Variants in GSE1 observed in about 807,000 individuals in gnomAD.
GSE1 encodes Gse1 coiled-coil protein, also known as genetic suppressor element 1.
A neutral mutation model predicts 112.6 loss-of-function variants in GSE1; 32 were observed. That is an observed-to-expected ratio of 0.28 (90% confidence interval 0.21 to 0.38). GSE1 has a LOEUF of 0.38. Ranked by LOEUF, GSE1 falls within the 10% of genes least tolerant of loss-of-function variation. The pLI, the probability that GSE1 is intolerant of heterozygous loss-of-function variation, is 1.00. For synonymous variants in GSE1, 1,115 were observed against 735.6 expected (o/e 1.52, Z -8.35); for missense variants, 2,348 against 1,699.2 (o/e 1.38, Z -6.71).
chr16:85,355,164 A>C (rs1384585112), intron 1 of GSE1, among the ~76,000 whole-genome samples: 1 of 152,132 alleles, frequency 6.6e-6, no homozygotes, highest in East Asian at 1.9e-4. Flanking sequence ...CGCTTGCCCG[A>C]GGAATTCTGA....
chr16:85,271,470 G>A (rs1908827276), intron 1 of GSE1, among the ~76,000 whole-genome samples: 1 of 152,236 alleles, frequency 6.6e-6, no homozygotes, highest in African/African-American at 2.4e-5. Context: ...GTATGAATGT[G>A]GTTCTTGGAG....
intron 1 of GSE1, among the ~76,000 whole-genome samples, chr16:85,259,604 G>C (rs755605465): frequency 2.0e-5 from 3 of 152,218 alleles, no homozygotes; most frequent in Admixed American, 6.5e-5. Context: ...TTGTCCTGCT[G>C]CTGGGGTTTT....
chr16:85,270,486 C>T (rs78563865), intron 1 of GSE1, among the ~76,000 whole-genome samples: 8,857 of 148,760 alleles, frequency 0.06, 1,016 homozygotes, highest in Non-Finnish European at 0.071. Context: ...GCTTCGGTAG[C>T]CAGAGGTAGA....
At chr16:85,560,606 G>A (rs2045473515) in intron 1 of GSE1, among the ~76,000 whole-genome samples, 1 of 152,110 alleles carries the variant, frequency 6.6e-6, no homozygotes, top group African/African-American at 2.4e-5. Context: ...GATGGGGCTG[G>A]TGAGTGGGAG....
chr16:85,510,671 G>A (rs987534375), intron 2 of GSE1, among the ~76,000 whole-genome samples: 1 of 152,220 alleles, frequency 6.6e-6, no homozygotes, highest in African/African-American at 2.4e-5. Context: ...TGGCCTTGTT[G>A]TAGGAACCCT....
At chr16:85,225,607 T>C (rs2075471763) in intron 1 of GSE1, among the ~76,000 whole-genome samples, 1 of 152,168 alleles carries the variant, frequency 6.6e-6, no homozygotes, top group African/African-American at 2.4e-5. Flanking sequence ...GTCACGGTCT[T>C]AGGGAATGCG....
intron 2 of GSE1, among the ~76,000 whole-genome samples, chr16:85,474,066 C>G (rs918337675): frequency 6.6e-6 from 1 of 152,080 alleles, no homozygotes; most frequent in African/African-American, 2.4e-5. Context: ...ATGAGCTGAC[C>G]CATCTTCTGA....
intron 2 of GSE1, among the ~76,000 whole-genome samples, chr16:85,484,223 G>T (rs1425539987): frequency 2.0e-5 from 3 of 152,276 alleles, no homozygotes; most frequent in East Asian, 3.9e-4. Flanking sequence ...GGGCCAGTGG[G>T]TCCCACACAC....
At position 85,373,262 on chromosome 16, in the gene GSE1, C is replaced by T. The variant is rs1015013686; in HGVS notation, c.2464+15619C>T. The stretch of plus-strand genomic sequence containing the variant: ...GGGATGGATCGCTCCATGCTGGGAT[C>T]CCCCACTCTCACGCGCTCTCCCTCC... On this transcript the variant is annotated intron_variant, in intron 2 of 2. Coordinates refer to the GSE1 transcript ENST00000637419. The surrounding 1 kb of genome is among the most constrained non-coding windows in gnomAD (Gnocchi z 5.1). Among the ~76,000 whole-genome samples, 3 of 152,204 alleles carry T rather than the reference C, an allele frequency of 2.0e-5. No homozygotes were observed. Among genetic ancestry groups the T allele is most frequent in the Admixed American group, 2.0e-4 (3 of 15,286 alleles).
In GSE1 at chr16:85,496,364, G is replaced by A. The variant is rs544577251; in HGVS notation, c.2465-137550G>A. ...GTTTGCATGGCTGACGCCGAGCACCGCTGGGACCCAACAGTGTTGAAAACG... is the reference window on the plus strand; with the variant it reads ...GTTTGCATGGCTGACGCCGAGCACCACTGGGACCCAACAGTGTTGAAAACG... On this transcript the variant is annotated intron_variant, in intron 2 of 2. Transcript: ENST00000637419. 8.5e-4 allele frequency among the ~76,000 whole-genome samples: 130 copies of A among 152,284 alleles called. 2 individuals carry two copies. The highest frequency in any genetic ancestry group is 2.8e-3 in the African/African-American group (116 of 41,496).
At chr16:85,183,831 G>T (rs140342268) in intron 1 of GSE1, among the ~76,000 whole-genome samples, 3 of 152,308 alleles carry the variant, frequency 2.0e-5, no homozygotes, top group African/African-American at 7.2e-5. Context: ...GCTGACATGG[G>T]ATCCCTGTGT....
rs1012199793 is a variant in GSE1 at position 85,322,606 on chromosome 16, C to G, written c.2284-34857C>G. ...GACTTTGAGCAAAGGGCTGTTATCTCCATTTTGCTTTTTTTTTTTTTTTTT... is the reference window on the plus strand; with the variant it reads ...GACTTTGAGCAAAGGGCTGTTATCTGCATTTTGCTTTTTTTTTTTTTTTTT... On this transcript the variant is annotated intron_variant, in intron 1 of 2. Coordinates refer to the GSE1 transcript ENST00000637419. 4.9e-5 allele frequency among the ~76,000 whole-genome samples: 7 copies of G among 142,772 alleles called. No homozygotes were observed. In the East Asian group the frequency reaches 1.2e-3, roughly 24 times the overall value. 93.7% of individuals were successfully genotyped at this position (142,772 alleles called of 152,430 possible).
At chr16:85,475,262 T>C (rs2050416578) in intron 2 of GSE1, among the ~76,000 whole-genome samples, 1 of 152,200 alleles carries the variant, frequency 6.6e-6, no homozygotes, top group South Asian at 2.1e-4. Flanking sequence ...GGAGGGACGC[T>C]TTGCAGAGCA....
At chr16:85,482,967 G>C (rs1466994212) in intron 2 of GSE1, among the ~76,000 whole-genome samples, 1 of 121,070 alleles carries the variant, frequency 8.3e-6, no homozygotes, top group Non-Finnish European at 1.6e-5. Context: ...GACAGAGTGA[G>C]ACTCCGTCTC....
At chr16:85,228,056 G>A (rs2075519094) in intron 1 of GSE1, among the ~76,000 whole-genome samples, 1 of 152,172 alleles carries the variant, frequency 6.6e-6, no homozygotes, top group Non-Finnish European at 1.5e-5. Context: ...TCAAGTGGAG[G>A]GGCAGTGGGC....
At chr16:85,363,609 T>C (rs2047127677) in intron 2 of GSE1, among the ~76,000 whole-genome samples, 1 of 152,010 alleles carries the variant, frequency 6.6e-6, no homozygotes, top group Non-Finnish European at 1.5e-5. Context: ...GGAGCGAGGG[T>C]AATCAAGAGA....
At chr16:85,584,101 C>T (rs1199602580) in intron 1 of GSE1, among the ~76,000 whole-genome samples, 3 of 152,188 alleles carry the variant, frequency 2.0e-5, no homozygotes, top group African/African-American at 4.8e-5. Context: ...GACACAGGCT[C>T]GCCAGCTGCA....
chr16:85,209,885 G>T (rs574672298), intron 1 of GSE1, among the ~76,000 whole-genome samples: 1 of 152,302 alleles, frequency 6.6e-6, no homozygotes, highest in East Asian at 1.9e-4. Context: ...TAAAGCTGTT[G>T]GCCACCAGAG....
intron 1 of GSE1, among the ~76,000 whole-genome samples, chr16:85,250,451 G>GCTGCCC (rs1433038154): frequency 1.3e-5 from 2 of 152,102 alleles, no homozygotes; most frequent in African/African-American, 4.8e-5. Context: ...CCAGCTGGGG[G>GCTGCCC]CGGAGGCGCC....
Sources: allele counts gnomAD v4.1 joint callset (sites outside exome capture counted in the v4.1 genomes callset), GRCh38; gene constraint gnomAD v4.1.1; non-coding constraint Gnocchi (gnomAD v3.1); transcripts MANE v1.5; gene names NCBI Gene and HGNC (gene_info 2026-07-23, HGNC 2026-07-21).